Variants in SPAG16 observed in about 807,000 individuals in gnomAD.
SPAG16 encodes the protein sperm-associated antigen 16 protein.
SPAG16 carries 86 observed loss-of-function variants against 80.4 expected under a neutral mutation model. That is an observed-to-expected ratio of 1.07 (90% CI 0.90 to 1.28). The LOEUF (loss-of-function observed/expected upper bound fraction) is 1.28. Among genes scored for constraint, SPAG16 ranks in the 50% most tolerant of loss-of-function variants. The pLI, the probability that SPAG16 is intolerant of heterozygous loss-of-function variation, is 0.00. For missense variants in SPAG16, 870 were observed against 765.3 expected, an observed-to-expected ratio of 1.14 and a Z score of -1.61; for synonymous variants, 294 against 265.9, an observed-to-expected ratio of 1.11 and a Z score of -1.03.
intron 3 of SPAG16, 92 bp downstream of exon 3, chr2:213,297,449 A>T: frequency 4.5e-6 from 3 of 659,442 alleles, no homozygotes; most frequent in Non-Finnish European, 7.8e-6. Flanking sequence ...ATACTAGTGT[A>T]GCTCAGTCAT....
intron 15 of SPAG16, among the ~76,000 whole-genome samples, chr2:214,197,173 A>G (rs887317057): frequency 6.6e-6 from 1 of 152,048 alleles, no homozygotes; most frequent in African/African-American, 2.4e-5. Flanking sequence ...AAAATAATGT[A>G]GGTCAGATAT....
At chr2:213,659,707 A>G (rs967456858) in intron 10 of SPAG16, among the ~76,000 whole-genome samples, 5 of 152,190 alleles carry the variant, frequency 3.3e-5, no homozygotes, top group Middle Eastern at 3.2e-3. Context: ...AGGCAAATTC[A>G]ACTTTTTCTA....
chr2:213,386,883 A>G (rs1428087985), intron 9 of SPAG16, among the ~76,000 whole-genome samples: 5 of 152,208 alleles, frequency 3.3e-5, no homozygotes, highest in Non-Finnish European at 7.4e-5. Flanking sequence ...CCTGTGGAAT[A>G]TATTTTATCC....
chr2:214,122,357 G>A (rs1480995406), intron 14 of SPAG16, among the ~76,000 whole-genome samples: 1 of 151,732 alleles, frequency 6.6e-6, no homozygotes, highest in Non-Finnish European at 1.5e-5. Context: ...TCTAAGATAG[G>A]TTAATTGCTT....
At chr2:214,090,795 T>C (rs953908203) in intron 13 of SPAG16, among the ~76,000 whole-genome samples, 2 of 152,102 alleles carry the variant, frequency 1.3e-5, no homozygotes, top group South Asian at 2.1e-4. Flanking sequence ...TATTAAAGTC[T>C]GTTTCTTCCT....
chr2:213,876,959 A>C (rs942191285), intron 11 of SPAG16, among the ~76,000 whole-genome samples: 46 of 152,172 alleles, frequency 3.0e-4, no homozygotes, highest in Non-Finnish European at 7.3e-5. Flanking sequence ...TTTTTATAGA[A>C]GAGAAAACAT....
At chr2:214,068,853 C>T (rs1190101056) in intron 13 of SPAG16, among the ~76,000 whole-genome samples, 1 of 152,024 alleles carries the variant, frequency 6.6e-6, no homozygotes, top group Non-Finnish European at 1.5e-5. Context: ...CTTGCTTAGT[C>T]TCATTTTTTT....
chr2:213,439,879 AC>A (rs1399039448), intron 9 of SPAG16, among the ~76,000 whole-genome samples: 1 of 152,244 alleles, frequency 6.6e-6, no homozygotes, highest in Middle Eastern at 3.2e-3. Context: ...AACTTGAAAA[AC>A]AAAATGCCAT....
chr2:213,365,353 A>G (rs571942576), intron 8 of SPAG16: 1 of 152,372 alleles, frequency 6.6e-6, no homozygotes, highest in South Asian at 2.1e-4. Flanking sequence ...CTTAATGGAA[A>G]ATACTAATAA....
chr2:214,177,902 T>TATATATATATAC (rs1559107889), intron 15 of SPAG16, among the ~76,000 whole-genome samples: 6 of 88,684 alleles, frequency 6.8e-5, no homozygotes, highest in Non-Finnish European at 1.2e-4. Context: ...TATATATACA[T>TATATATATATAC]ATATATATAT....
rs377342357 is a variant in SPAG16 at position 213,485,568 on chromosome 2, C to T, written c.943-4395C>T. ...TTTCCAGTGATGCATTTTTTTTTTT[C>T]ATTTATGCTGTGTCCTTCACAGGAC... On this transcript the variant is annotated intron_variant, in intron 9 of 15. Coordinates refer to ENST00000331683, the MANE Select transcript of SPAG16 (RefSeq NM_024532.5). 6.8e-3 allele frequency among the ~76,000 whole-genome samples: 984 copies of T among 144,264 alleles called. 13 individuals are homozygous for T. The highest frequency in any genetic ancestry group is 0.024 in the African/African-American group (923 of 38,906). 94.6% of individuals were successfully genotyped at this position (144,264 alleles called of 152,430 possible). A position where few individuals can be genotyped will look rare whatever the true frequency, so the allele number is the denominator to read the frequency against.
chr2:213,625,703 A>T (rs541457012), intron 10 of SPAG16, among the ~76,000 whole-genome samples: 1 of 147,794 alleles, frequency 6.8e-6, no homozygotes, highest in South Asian at 2.2e-4. Flanking sequence ...TTTTTGTTTT[A>T]GACAGAGTCT....
chr2:213,585,027 A>G (rs2060420422), intron 10 of SPAG16, among the ~76,000 whole-genome samples: 1 of 151,834 alleles, frequency 6.6e-6, no homozygotes, highest in Admixed American at 6.6e-5. Context: ...CATCTCTACT[A>G]AAAATACAAA....
chr2:213,383,047 T>A lies in SPAG16; in HGVS notation c.942+7928T>A, dbSNP rs186233866. ...AAGATAACACATATGGCACAGCCCA[T>A]ATGTTCCAGATCTTTACATGATTCT... On this transcript the variant is annotated intron_variant, in intron 9 of 15. Transcript: ENST00000331683. Among the ~76,000 whole-genome samples, 116 of 152,240 alleles carry A rather than the reference T, an allele frequency of 7.6e-4. 1 individual carries two copies. The highest frequency in any genetic ancestry group is 6.1e-3 in the Admixed American group (93 of 15,290).
intron 12 of SPAG16, among the ~76,000 whole-genome samples, chr2:213,965,284 A>G (rs767086799): frequency 6.6e-6 from 1 of 152,138 alleles, no homozygotes; most frequent in Non-Finnish European, 1.5e-5. Flanking sequence ...CTGGGGTTCA[A>G]CTTTTGATTT....
At chr2:213,577,841 A>G (rs898359553) in intron 10 of SPAG16, among the ~76,000 whole-genome samples, 16 of 152,284 alleles carry the variant, frequency 1.1e-4, no homozygotes, top group Middle Eastern at 6.8e-3. Context: ...GAAAACCATT[A>G]GGGAAAGAAA....
intron 14 of SPAG16, among the ~76,000 whole-genome samples, chr2:214,131,120 C>G (rs776155093): frequency 6.6e-6 from 1 of 151,960 alleles, no homozygotes; most frequent in Non-Finnish European, 1.5e-5. Context: ...AGATCTAGTC[C>G]TTTTTCTTGA....
intron 15 of SPAG16, among the ~76,000 whole-genome samples, chr2:214,207,456 C>T (rs964762355): frequency 1.3e-5 from 2 of 152,114 alleles, no homozygotes; most frequent in African/African-American, 4.8e-5. Context: ...TCAGTTTTTG[C>T]TCATTAAGCA....
chr2:213,536,514 T>C (rs920338698), intron 10 of SPAG16, among the ~76,000 whole-genome samples: 4 of 152,148 alleles, frequency 2.6e-5, no homozygotes, highest in South Asian at 2.1e-4. Context: ...TTTTAATGAT[T>C]GCCATTCTAA....
Sources: allele counts gnomAD v4.1 joint callset (sites outside exome capture counted in the v4.1 genomes callset), GRCh38; gene constraint gnomAD v4.1.1; transcripts MANE v1.5; gene names NCBI Gene and HGNC (gene_info 2026-07-23, HGNC 2026-07-21).